The following RALGPS2 variants were observed in gnomAD, a reference collection of about 807,000 sequenced individuals.
RALGPS2 encodes the protein ras-specific guanine nucleotide-releasing factor RalGPS2.
A neutral mutation model predicts 86.8 loss-of-function variants in RALGPS2; 43 were observed. The observed-to-expected ratio is 0.50, with a 90% CI of 0.39 to 0.64. The LOEUF (loss-of-function observed/expected upper bound fraction) is 0.64, where lower values mean the gene tolerates loss of function less well. Ranked by LOEUF, RALGPS2 falls within the 30% of genes least tolerant of loss-of-function variation. The pLI is 0.00. For synonymous variants in RALGPS2, 243 were observed against 231.3 expected, an observed-to-expected ratio of 1.05 and a Z score of -0.46; for missense variants, 536 against 694.6, an observed-to-expected ratio of 0.77 and a Z score of 2.57.
intron 8 of RALGPS2, chr1:178,865,498 G>C: frequency 6.2e-7 from 1 of 1,613,990 alleles, no homozygotes; most frequent in South Asian, 1.1e-5. Context: ...GCTTCTGCCT[G>C]GAGAGCACAT....
chr1:178,840,164 A>G (rs1260538195), intron 8 of RALGPS2, among the ~76,000 whole-genome samples: 2 of 152,356 alleles, frequency 1.3e-5, no homozygotes, highest in African/African-American at 2.4e-5. Context: ...ATAGACATCT[A>G]CAGAACTCTC....
intron 8 of RALGPS2, among the ~76,000 whole-genome samples, chr1:178,868,530 C>T (rs1391604548): frequency 1.3e-5 from 2 of 151,830 alleles, no homozygotes; most frequent in Non-Finnish European, 2.9e-5. Flanking sequence ...GAGCAATATT[C>T]TGATTGAACA....
chr1:178,911,931 G>A (rs982839574), intron 19 of RALGPS2, among the ~76,000 whole-genome samples: 7 of 152,110 alleles, frequency 4.6e-5, no homozygotes, highest in Non-Finnish European at 1.0e-4. Flanking sequence ...AAGTCTTCTG[G>A]ATGAATTGAA....
intron 8 of RALGPS2, among the ~76,000 whole-genome samples, chr1:178,845,458 TCTC>T (rs1291060028): frequency 6.6e-6 from 1 of 152,196 alleles, no homozygotes; most frequent in African/African-American, 2.4e-5. Context: ...CATTAATCTG[TCTC>T]CTCCTCAACA....
At position 178,808,114 on chromosome 1, in the gene RALGPS2, A is replaced by G; in HGVS notation, c.283A>G (p.Arg95Gly). The G allele has an allele frequency of 6.2e-7, 1 of 1,602,178 alleles. No individual in the cohort carries two copies. Among genetic ancestry groups the G allele is most frequent in the Non-Finnish European group, 8.5e-7 (1 of 1,169,678 alleles). The change falls in exon 5 of 20, where the codon AGA (arginine) becomes GGA (glycine). Residue 95 changes from arginine (R) to glycine (G), a missense_variant. Transcript: ENST00000367635. ...TGCACCAAATGCAGTTGCCTTCACAAGAAGATTCAATCATGTGAGTTTATA... is the reference window on the plus strand; with the variant it reads ...TGCACCAAATGCAGTTGCCTTCACAGGAAGATTCAATCATGTGAGTTTATA... ...SSAPNAVAFT[R>G]RFNHVSFWVV...
At chr1:178,828,810 TG>T (rs546408814) in intron 7 of RALGPS2, among the ~76,000 whole-genome samples, 57 of 152,284 alleles carry the variant, frequency 3.7e-4, no homozygotes, top group African/African-American at 1.3e-3. Context: ...AGGGAACTGT[TG>T]TACAGTGTTG....
intron 1 of RALGPS2, among the ~76,000 whole-genome samples, chr1:178,746,337 AT>A (rs1381377175): frequency 2.0e-5 from 3 of 152,140 alleles, no homozygotes; most frequent in Non-Finnish European, 4.4e-5. Context: ...CCTTATATAT[AT>A]TTTTTTATTT....
At chr1:178,851,766 A>G (rs1209573498) in intron 8 of RALGPS2, among the ~76,000 whole-genome samples, 8 of 152,286 alleles carry the variant, frequency 5.3e-5, no homozygotes, top group African/African-American at 1.2e-4. Context: ...GTTATGGTCT[A>G]TCTCTCCTCT....
At chr1:178,745,293 A>G (rs1445868218) in intron 1 of RALGPS2, among the ~76,000 whole-genome samples, 1 of 152,194 alleles carries the variant, frequency 6.6e-6, no homozygotes, top group Non-Finnish European at 1.5e-5. Flanking sequence ...ATTCGTGTGG[A>G]AATGTAAAGG....
chr1:178,853,898 T>A, intron 8 of RALGPS2: 2 of 697,002 alleles, frequency 2.9e-6, no homozygotes, highest in Non-Finnish European at 4.4e-6. Flanking sequence ...TTACCATTGT[T>A]TATCATATAT....
At chr1:178,796,487 T>C (rs1181553729) in intron 4 of RALGPS2, among the ~76,000 whole-genome samples, 1 of 152,144 alleles carries the variant, frequency 6.6e-6, no homozygotes, top group East Asian at 1.9e-4. Flanking sequence ...TATCTTCTCT[T>C]TGTTAGGATC....
At chr1:178,813,783 A>T (rs1655102019) in intron 6 of RALGPS2, among the ~76,000 whole-genome samples, 1 of 152,204 alleles carries the variant, frequency 6.6e-6, no homozygotes, top group Non-Finnish European at 1.5e-5. Flanking sequence ...TTTCAATGTT[A>T]AAGCCTTTCA....
At chr1:178,758,432 A>G (rs1211539654) in intron 1 of RALGPS2, among the ~76,000 whole-genome samples, 1 of 152,182 alleles carries the variant, frequency 6.6e-6, no homozygotes, top group Admixed American at 6.5e-5. Context: ...TTTAAAATGT[A>G]CAATTAAATT....
chr1:178,745,542 C>T (rs915481142), intron 1 of RALGPS2, among the ~76,000 whole-genome samples: 2 of 152,140 alleles, frequency 1.3e-5, no homozygotes, highest in Non-Finnish European at 2.9e-5. Flanking sequence ...GTCTATTCAA[C>T]AAATAATGCT....
At chr1:178,735,431 CTT>C (rs565080292) in intron 1 of RALGPS2, among the ~76,000 whole-genome samples, 34 of 134,350 alleles carry the variant, frequency 2.5e-4, no homozygotes, top group East Asian at 4.3e-4. Flanking sequence ...TTTTTCTTTT[CTT>C]TTTTTTTTTT....
At chr1:178,792,004 G>C (rs1422080190) in intron 4 of RALGPS2, among the ~76,000 whole-genome samples, 2 of 152,104 alleles carry the variant, frequency 1.3e-5, no homozygotes, top group Non-Finnish European at 2.9e-5. Context: ...ATAAAATACT[G>C]GATAAGTAAA....
intron 8 of RALGPS2, among the ~76,000 whole-genome samples, chr1:178,843,748 C>T (rs1321930949): frequency 6.6e-6 from 1 of 151,348 alleles, no homozygotes; most frequent in Non-Finnish European, 1.5e-5. Flanking sequence ...ATTTTAGATA[C>T]TGGTATTCTT....
At chr1:178,778,383 G>T (rs1221851281) in intron 2 of RALGPS2, among the ~76,000 whole-genome samples, 6 of 5,920 alleles carry the variant, frequency 1.0e-3, no homozygotes, top group Non-Finnish European at 1.7e-3. Flanking sequence ...TCATTAAAAA[G>T]TCAGGAAACA....
intron 8 of RALGPS2, among the ~76,000 whole-genome samples, chr1:178,873,337 A>G (rs1658854450): frequency 6.6e-6 from 1 of 152,212 alleles, no homozygotes; most frequent in Non-Finnish European, 1.5e-5. Context: ...GAACAGAAAC[A>G]TTTATTACAT....
Sources: gnomAD v4.1 joint callset for allele counts (sites outside exome capture counted in the v4.1 genomes callset) on GRCh38, gnomAD v4.1.1 for gene constraint, MANE v1.5 for transcripts, NCBI Gene and HGNC (gene_info 2026-07-23, HGNC 2026-07-21) for gene names.